The following KIF16B variants were observed in gnomAD, a reference collection of about 807,000 sequenced individuals.
KIF16B encodes the protein kinesin-like protein KIF16B.
Under a neutral mutation model 156.3 loss-of-function variants are expected in KIF16B, and 98 were observed. That is an observed-to-expected ratio of 0.63 (90% CI 0.53 to 0.74). The LOEUF (loss-of-function observed/expected upper bound fraction) is 0.74, where lower values mean the gene tolerates loss of function less well. Ranked by LOEUF, KIF16B falls within the 30% of genes least tolerant of loss-of-function variation. The probability of loss-of-function intolerance (pLI) is 0.00; values close to 1 mark genes in which losing one functional copy is unlikely to be tolerated. For missense variants in KIF16B, 1,421 were observed against 1,606.5 expected, an observed-to-expected ratio of 0.88 and a Z score of 1.97; for synonymous variants, 564 against 583.7, an observed-to-expected ratio of 0.97 and a Z score of 0.49.
intron 1 of KIF16B, among the ~76,000 whole-genome samples, chr20:16,535,330 T>A (rs1418806441): frequency 2.0e-5 from 3 of 152,352 alleles, no homozygotes; most frequent in African/African-American, 7.2e-5. Context: ...TATTGACTTT[T>A]GTATGTTGAT....
At chr20:16,274,075 T>TTA (rs536331617) in intron 25 of KIF16B, among the ~76,000 whole-genome samples, 1 of 118,782 alleles carries the variant, frequency 8.4e-6, no homozygotes, top group East Asian at 2.5e-4. Flanking sequence ...GAAAGATGAT[T>TTA]AAAAAAAAAA....
intron 24 of KIF16B, among the ~76,000 whole-genome samples, chr20:16,314,802 T>C (rs936540367): frequency 3.3e-5 from 5 of 152,208 alleles, no homozygotes; most frequent in East Asian, 1.9e-4. Context: ...CGTAGTGACA[T>C]GGCTTCAAGG....
At chr20:16,419,704 T>C (rs1265700001) in intron 15 of KIF16B, among the ~76,000 whole-genome samples, 1 of 152,068 alleles carries the variant, frequency 6.6e-6, no homozygotes, top group Non-Finnish European at 1.5e-5. Context: ...ATTAATTGCA[T>C]TTAACAACTA....
intron 12 of KIF16B, among the ~76,000 whole-genome samples, chr20:16,446,113 C>G (rs1054890689): frequency 2.0e-5 from 3 of 151,954 alleles, no homozygotes; most frequent in African/African-American, 7.2e-5. Flanking sequence ...GTGTAAGAGC[C>G]AGAAAAAAGG....
intron 17 of KIF16B, among the ~76,000 whole-genome samples, chr20:16,403,768 G>C: frequency 6.6e-6 from 1 of 152,162 alleles, no homozygotes; most frequent in East Asian, 1.9e-4. Flanking sequence ...GTAGGTATCT[G>C]CTTTCCACAA....
chr20:16,280,323 G>A (rs1481246666), intron 25 of KIF16B, among the ~76,000 whole-genome samples: 1 of 152,138 alleles, frequency 6.6e-6, no homozygotes, highest in Admixed American at 6.5e-5. Flanking sequence ...TTCCCTTTTA[G>A]GTCTGTGACC....
Position 16,296,310 on chromosome 20 carries a change from T to A in KIF16B, c.3795+16025A>T, listed in dbSNP as rs115957021. Among the ~76,000 whole-genome samples the A allele has an allele frequency of 7.3e-3, 1,113 of 152,278 alleles. 18 individuals carry two copies. Among genetic ancestry groups the A allele is most frequent in the African/African-American group, 0.025 (1,036 of 41,538 alleles). ...CTTCTGCTTCAGAGGCGATGAGACA[T>A]TTAATAAAAGAAAACAAATAGTGAT... On this transcript the variant is annotated intron_variant, in intron 25 of 25. Transcript: ENST00000354981.
At chr20:16,466,144 C>T (rs116192852) in intron 12 of KIF16B, among the ~76,000 whole-genome samples, 26 of 152,324 alleles carry the variant, frequency 1.7e-4, no homozygotes, top group African/African-American at 6.3e-4. Context: ...CAGATGAGGA[C>T]TTGAATGAGA....
intron 22 of KIF16B, among the ~76,000 whole-genome samples, chr20:16,362,926 A>G (rs2064578423): frequency 6.6e-6 from 1 of 152,258 alleles, no homozygotes; most frequent in South Asian, 2.1e-4. Flanking sequence ...GACTTATAAT[A>G]GAATCTCTTT....
At chr20:16,334,556 T>C (rs985710529) in intron 24 of KIF16B, among the ~76,000 whole-genome samples, 3 of 152,202 alleles carry the variant, frequency 2.0e-5, no homozygotes, top group African/African-American at 7.2e-5. Flanking sequence ...AAGATATGGT[T>C]TGGATGTGTG....
intron 24 of KIF16B, among the ~76,000 whole-genome samples, chr20:16,322,354 C>T (rs13042286): frequency 1.3e-5 from 2 of 151,894 alleles, no homozygotes; most frequent in Non-Finnish European, 2.9e-5. Flanking sequence ...CAAGCCTCTA[C>T]ATTTTTGGTT....
chr20:16,372,209 C>A (rs1398916654), intron 20 of KIF16B, among the ~76,000 whole-genome samples: 6 of 151,974 alleles, frequency 3.9e-5, no homozygotes, highest in African/African-American at 1.5e-4. Context: ...ATGAGGATTA[C>A]CAAAAAAGAA....
chr20:16,479,270 C>T (rs2067909536), intron 12 of KIF16B, among the ~76,000 whole-genome samples: 1 of 152,118 alleles, frequency 6.6e-6, no homozygotes, highest in Non-Finnish European at 1.5e-5. Context: ...AAACCAAATA[C>T]TGCATGTTCT....
At chr20:16,555,382 C>A (rs969617898) in intron 1 of KIF16B, among the ~76,000 whole-genome samples, 1 of 152,146 alleles carries the variant, frequency 6.6e-6, no homozygotes, top group African/African-American at 2.4e-5. Context: ...CAAGATGTAA[C>A]CTGAGAACCT....
At chr20:16,413,589 G>T (rs1158790214) in intron 15 of KIF16B, among the ~76,000 whole-genome samples, 2 of 152,008 alleles carry the variant, frequency 1.3e-5, no homozygotes, top group Non-Finnish European at 2.9e-5. Flanking sequence ...AGACAACTGT[G>T]TTCCCACAAG....
intron 25 of KIF16B, among the ~76,000 whole-genome samples, chr20:16,284,453 G>T (rs188142787): frequency 5.0e-4 from 76 of 152,200 alleles, no homozygotes; most frequent in Non-Finnish European, 9.7e-4. Flanking sequence ...TGTATGTCCC[G>T]GATTGCAATC....
At chr20:16,330,975 C>A (rs904294293) in intron 24 of KIF16B, among the ~76,000 whole-genome samples, 5 of 152,192 alleles carry the variant, frequency 3.3e-5, no homozygotes, top group Non-Finnish European at 5.9e-5. Context: ...CTCAGACAGC[C>A]GAGTGGACTG....
At chr20:16,387,701 C>T (rs911516889) in intron 17 of KIF16B, among the ~76,000 whole-genome samples, 3 of 152,048 alleles carry the variant, frequency 2.0e-5, no homozygotes, top group African/African-American at 7.2e-5. Context: ...TCAAAGAGTG[C>T]GAAAGGCAAA....
chr20:16,497,657 T>A lies in KIF16B; in HGVS notation c.1198A>T (p.Thr400Ser), dbSNP rs771102310. The A allele has an allele frequency of 3.7e-6, 6 of 1,611,056 alleles. No individual in the cohort carries two copies. The African/African-American group carries it at 8.0e-5, about 22-fold the overall frequency. Residue 400 changes from threonine (T) to serine (S), a missense_variant, in exon 11 of 26, where the codon ACA becomes TCA. Coordinates refer to ENST00000354981, the MANE Select transcript of KIF16B (RefSeq NM_024704.5). ...AGTTTTTCCTCCATACTTAAAGCTG[T>A]GGGGGAGTCTAAGAGGGCAATCTAC... ...GNQIALLDSP[T>S]ALSMEEKLQQ... is the part of the protein sequence containing the mutation.
Sources: gnomAD v4.1 joint callset for allele counts (sites outside exome capture counted in the v4.1 genomes callset) on GRCh38, gnomAD v4.1.1 for gene constraint, MANE v1.5 for transcripts, NCBI Gene and HGNC (gene_info 2026-07-23, HGNC 2026-07-21) for gene names.